ARHGEF4: variants seen among roughly 807,000 people sequenced by gnomAD.
ARHGEF4 encodes the protein APC-stimulated guanine nucleotide exchange factor 1.
In ARHGEF4, 119 loss-of-function variants were observed where a neutral mutation model predicts 162.0. That is an observed-to-expected ratio of 0.73 (90% CI 0.63 to 0.86). The LOEUF (loss-of-function observed/expected upper bound fraction) is 0.86, where lower values mean the gene tolerates loss of function less well. Among genes scored for constraint, ARHGEF4 ranks in the 40% least tolerant of loss-of-function variants. The pLI, the probability that ARHGEF4 is intolerant of heterozygous loss-of-function variation, is 0.00. For synonymous variants in ARHGEF4, 1,014 were observed against 979.9 expected, an observed-to-expected ratio of 1.03 and a Z score of -0.65; for missense variants, 2,488 against 2,456.0, an observed-to-expected ratio of 1.01 and a Z score of -0.28.
intron 8 of ARHGEF4, 135 bp downstream of exon 8, chr2:131,040,575 C>T (rs1558895138): frequency 2.0e-6 from 2 of 1,011,558 alleles, no homozygotes; most frequent in Non-Finnish European, 2.8e-6. Flanking sequence ...CTCTATCTGC[C>T]CCGCTGCCCG....
At chr2:130,948,106 T>C (rs1231133180) in intron 4 of ARHGEF4, among the ~76,000 whole-genome samples, 1 of 152,208 alleles carries the variant, frequency 6.6e-6, no homozygotes, top group Non-Finnish European at 1.5e-5. Flanking sequence ...AGGATGACGG[T>C]GCATGATGGT....
Position 130,915,032 on chromosome 2 carries a change from T to C in ARHGEF4, c.1086T>C (p.His362=). Residue 362 remains histidine, a synonymous_variant, in exon 2 of 14, where the codon CAT becomes CAC. Coordinates refer to ENST00000409359, the MANE Select transcript of ARHGEF4 (RefSeq NM_001367493.1). ...VGQNVVKSGT[H]VKEGAKNERD... The stretch of plus-strand genomic sequence containing the variant: ...AGAATGTTGTGAAGTCTGGGACCCA[T>C]GTGAAGGAAGGGGCCAAAAATGAAC... 2 of 1,550,580 alleles carry C rather than the reference T, an allele frequency of 1.3e-6. No individual in the cohort carries two copies. Among genetic ancestry groups the C allele is most frequent in the East Asian group, 2.4e-5 (1 of 40,906 alleles).
At chr2:130,875,789 C>A (rs6430389) in intron 1 of ARHGEF4, among the ~76,000 whole-genome samples, 1 of 152,088 alleles carries the variant, frequency 6.6e-6, no homozygotes, top group Non-Finnish European at 1.5e-5. Flanking sequence ...AGTCTCATTT[C>A]TCTCCCTCCC....
chr2:130,969,813 C>T (rs1042263163), intron 4 of ARHGEF4, among the ~76,000 whole-genome samples: 4 of 152,154 alleles, frequency 2.6e-5, no homozygotes, highest in African/African-American at 7.2e-5. Flanking sequence ...CATTCCCCAA[C>T]TCCAGTGCCT....
Position 131,046,202 on chromosome 2 carries a change from C to CT in ARHGEF4, c.*14dup. 6.2e-7 allele frequency: 1 copy of CT among 1,601,588 alleles called. No individual in the cohort carries two copies. The highest frequency in any genetic ancestry group is 8.5e-7 in the Non-Finnish European group (1 of 1,172,062). On this transcript the variant is annotated 3_prime_UTR_variant, in exon 14 of 14. Coordinates refer to ENST00000409359, the MANE Select transcript of ARHGEF4 (RefSeq NM_001367493.1). The stretch of plus-strand genomic sequence containing the variant: ...CTTCCGCAAGTGAACTGGTCCCTGC[C>CT]TGACAGCACCTGCTGGGCCTTCCTG...
At chr2:131,012,669 C>A (rs1397560862) in intron 4 of ARHGEF4, among the ~76,000 whole-genome samples, 1 of 152,168 alleles carries the variant, frequency 6.6e-6, no homozygotes, top group African/African-American at 2.4e-5. Context: ...CAACCTCCGC[C>A]TCCTGGGTCC....
chr2:130,891,433 T>A (rs1679857646), intron 1 of ARHGEF4, among the ~76,000 whole-genome samples: 1 of 152,214 alleles, frequency 6.6e-6, no homozygotes, highest in South Asian at 2.1e-4. Flanking sequence ...AATAAGTACC[T>A]TAGGCTCTGC....
intron 5 of ARHGEF4, among the ~76,000 whole-genome samples, chr2:131,032,599 G>T (rs1358924258): frequency 6.6e-6 from 1 of 151,882 alleles, no homozygotes; most frequent in Non-Finnish European, 1.5e-5. Flanking sequence ...CTTTTGCGCA[G>T]GGCTGCAAGG....
At chr2:130,966,533 T>C (rs1685015374) in intron 4 of ARHGEF4, among the ~76,000 whole-genome samples, 1 of 152,222 alleles carries the variant, frequency 6.6e-6, no homozygotes. Flanking sequence ...TGAAACAGGC[T>C]CAGAGGTGTG....
intron 1 of ARHGEF4, among the ~76,000 whole-genome samples, chr2:130,838,815 AC>A (rs1407661951): frequency 6.6e-6 from 1 of 152,112 alleles, no homozygotes; most frequent in Non-Finnish European, 1.5e-5. Context: ...AATCTGAGTC[AC>A]CCAGCTGGCC....
chr2:130,916,285 G>C lies in ARHGEF4; in HGVS notation c.2339G>C (p.Gly780Ala), dbSNP rs1681487644. 6.5e-7 allele frequency: 1 copy of C among 1,531,026 alleles called. No homozygotes were observed. 94.8% of individuals were successfully genotyped at this position (1,531,026 alleles called of 1,614,324 possible). ...TTGGAGCCGCCCCAGCCGCCACGCG[G>C]GCTCCGCAAGGGCGCGCAGGAGCCT... ...PALEPPQPPR[G>A]LRKGAQEPGK... is the part of the protein sequence containing the mutation. The change falls in exon 2 of 14, where the codon GGG (glycine) becomes GCG (alanine). Residue 780 changes from glycine to alanine, a missense_variant. Around this residue, in one of 6 missense-constraint regions of ARHGEF4, gnomAD observed 1,642 missense variants for 1,481.5 expected, o/e 1.11. Coordinates refer to ENST00000409359, the MANE Select transcript of ARHGEF4 (RefSeq NM_001367493.1).
intron 1 of ARHGEF4, among the ~76,000 whole-genome samples, chr2:130,890,482 A>C (rs1437981360): frequency 6.6e-6 from 1 of 152,056 alleles, no homozygotes; most frequent in Non-Finnish European, 1.5e-5. Flanking sequence ...GAATTGCTTG[A>C]AACCGGGAGG....
intron 3 of ARHGEF4, among the ~76,000 whole-genome samples, chr2:130,935,404 A>G (rs144868692): frequency 3.9e-5 from 6 of 152,078 alleles, no homozygotes; most frequent in Non-Finnish European, 8.8e-5. Flanking sequence ...TCTTCCATCT[A>G]TTAGCTTTGG....
chr2:130,854,481 C>G, intron 1 of ARHGEF4, among the ~76,000 whole-genome samples: 1 of 152,204 alleles, frequency 6.6e-6, no homozygotes, highest in East Asian at 1.9e-4. Context: ...TGGCTGCACC[C>G]CAGGAGGGTC....
intron 4 of ARHGEF4, among the ~76,000 whole-genome samples, chr2:131,024,575 A>T (rs1260971481): frequency 6.6e-6 from 1 of 152,176 alleles, no homozygotes; most frequent in Non-Finnish European, 1.5e-5. Context: ...GCACCTGCCA[A>T]TAAAAACATA....
intron 1 of ARHGEF4, among the ~76,000 whole-genome samples, chr2:130,899,782 G>C (rs1220676793): frequency 4.6e-5 from 7 of 152,164 alleles, no homozygotes; most frequent in Non-Finnish European, 8.8e-5. Context: ...GGAATCCAAG[G>C]GGGTGGGAGG....
At chr2:130,949,666 G>A (rs769975180) in intron 4 of ARHGEF4, among the ~76,000 whole-genome samples, 25 of 151,172 alleles carry the variant, frequency 1.7e-4, no homozygotes, top group African/African-American at 5.1e-4. Context: ...TTTGTTTTTC[G>A]ATGGGGTCTC....
Position 130,916,027 on chromosome 2 carries a change from C to T in ARHGEF4, c.2081C>T (p.Ala694Val), listed in dbSNP as rs1358640179. ...GGTAATGAGTGTGAGTTGCCAGCAGCCCCCATACAGGGAGCTGGCGATGGG... is the reference window on the plus strand; with the variant it reads ...GGTAATGAGTGTGAGTTGCCAGCAGTCCCCATACAGGGAGCTGGCGATGGG... ...PAGNECELPAAPIQGAGDGAL... is the reference protein window; with the variant it reads ...PAGNECELPAVPIQGAGDGAL... Residue 694 changes from alanine (A) to valine (V), a missense_variant, in exon 2 of 14, where the codon GCC becomes GTC. By Grantham distance (64) the Ala-to-Val change is moderately conservative. Around this residue, in one of 6 missense-constraint regions of ARHGEF4, gnomAD observed 1,642 missense variants for 1,481.5 expected, o/e 1.11. Transcript: ENST00000409359. The T allele has an allele frequency of 1.0e-5, 16 of 1,550,240 alleles. No homozygotes were observed. Among genetic ancestry groups the T allele is most frequent in the Middle Eastern group, 1.7e-4 (1 of 6,012 alleles).
At chr2:130,938,302 A>G (rs1431072787) in intron 3 of ARHGEF4, among the ~76,000 whole-genome samples, 1 of 152,152 alleles carries the variant, frequency 6.6e-6, no homozygotes, top group African/African-American at 2.4e-5. Context: ...TGTTTGCATG[A>G]TCCAGCTTCT....
Sources: gnomAD v4.1 joint callset for allele counts (sites outside exome capture counted in the v4.1 genomes callset) on GRCh38, gnomAD v4.1.1 for gene constraint, gnomAD v4.1.1 regional missense constraint, MANE v1.5 for transcripts, NCBI Gene and HGNC (gene_info 2026-07-23, HGNC 2026-07-21) for gene names.